CPNE4: variants seen among roughly 807,000 people sequenced by gnomAD.
CPNE4 encodes the protein copine-4.
In CPNE4, 25 loss-of-function variants were observed where a neutral mutation model predicts 67.9. The ratio of observed to expected loss-of-function variants is 0.37; its 90% confidence interval spans 0.27 to 0.51. The LOEUF is 0.51. Ranked by LOEUF, CPNE4 falls within the 20% of genes least tolerant of loss-of-function variation. CPNE4 has a pLI of 0.93. For synonymous variants in CPNE4, 242 were observed against 244.9 expected (o/e 0.99, Z 0.11); for missense variants, 464 against 690.8 (o/e 0.67, Z 3.68).
intron 7 of CPNE4, among the ~76,000 whole-genome samples, chr3:131,633,771 TAA>T (rs1553743307): frequency 3.3e-5 from 5 of 151,722 alleles, no homozygotes; most frequent in African/African-American, 1.2e-4. Context: ...TTTTTATTTT[TAA>T]AAAAAAGAAC....
chr3:131,682,256 C>T (rs1428812433), intron 6 of CPNE4, among the ~76,000 whole-genome samples: 1 of 152,078 alleles, frequency 6.6e-6, no homozygotes, highest in African/African-American at 2.4e-5. Flanking sequence ...GCAGCCTGGG[C>T]TTGTTTGTAC....
chr3:131,844,260 T>C (rs2085909177), intron 2 of CPNE4, among the ~76,000 whole-genome samples: 1 of 129,996 alleles, frequency 7.7e-6, no homozygotes, highest in Non-Finnish European at 1.6e-5. Flanking sequence ...CTGTATGTTC[T>C]TTTTTTTTTT....
At chr3:131,566,404 T>C (rs1481049642) in intron 10 of CPNE4, among the ~76,000 whole-genome samples, 1 of 150,390 alleles carries the variant, frequency 6.6e-6, no homozygotes, top group Non-Finnish European at 1.5e-5. Flanking sequence ...GACAGGTTTA[T>C]CCTGAAGGTG....
intron 1 of CPNE4, among the ~76,000 whole-genome samples, chr3:131,906,635 C>T (rs1486246177): frequency 2.0e-5 from 3 of 151,916 alleles, no homozygotes; most frequent in Admixed American, 6.6e-5. Context: ...GCCACATTTT[C>T]TTAATCCAGT....
intron 2 of CPNE4, among the ~76,000 whole-genome samples, chr3:131,768,297 A>T (rs944023323): frequency 1.3e-5 from 2 of 152,128 alleles, no homozygotes; most frequent in African/African-American, 4.8e-5. Context: ...AGAAGTGGAA[A>T]TGAAAACAGA....
At chr3:131,734,344 A>G (rs992844350) in intron 2 of CPNE4, among the ~76,000 whole-genome samples, 19 of 152,186 alleles carry the variant, frequency 1.2e-4, no homozygotes, top group Admixed American at 1.0e-3. Flanking sequence ...AAATTCTTAG[A>G]GAACATTAAG....
At chr3:131,693,886 G>A (rs2081088686) in intron 5 of CPNE4, among the ~76,000 whole-genome samples, 1 of 152,152 alleles carries the variant, frequency 6.6e-6, no homozygotes, top group African/African-American at 2.4e-5. Flanking sequence ...CAGGCAATCT[G>A]TTTGAGTCCC....
At chr3:131,557,134 C>T (rs940726583) in intron 11 of CPNE4, among the ~76,000 whole-genome samples, 1 of 152,110 alleles carries the variant, frequency 6.6e-6, no homozygotes, top group African/African-American at 2.4e-5. Context: ...GCCTAGACAA[C>T]AAATAAGACC....
At chr3:132,016,762 C>T (rs534852048) in intron 1 of CPNE4, among the ~76,000 whole-genome samples, 39 of 152,290 alleles carry the variant, frequency 2.6e-4, no homozygotes, top group African/African-American at 8.4e-4. Context: ...ACAAATTGGT[C>T]CGTTCTCAGG....
At chr3:131,908,695 T>C (rs58075255) in intron 1 of CPNE4, among the ~76,000 whole-genome samples, 1,950 of 152,278 alleles carry the variant, frequency 0.013, 33 homozygotes, top group African/African-American at 0.043. Context: ...TAAAATACTA[T>C]GCAAGCTACG....
intron 13 of CPNE4, 122 bp downstream of exon 13, chr3:131,552,318 C>T (rs770145124): frequency 1.2e-6 from 1 of 822,162 alleles, no homozygotes; most frequent in African/African-American, 1.7e-5. Flanking sequence ...TATGTTGATA[C>T]AGAAAGCAGA....
At chr3:131,946,560 T>C (rs1291977368) in intron 1 of CPNE4, among the ~76,000 whole-genome samples, 3 of 152,186 alleles carry the variant, frequency 2.0e-5, no homozygotes, top group Non-Finnish European at 4.4e-5. Context: ...GAAATGTCTA[T>C]TGAAGTTCTT....
At chr3:131,848,981 A>AAAAAAAAAAAAC (rs1297906130) in intron 2 of CPNE4, among the ~76,000 whole-genome samples, 4 of 141,668 alleles carry the variant, frequency 2.8e-5, no homozygotes, top group African/African-American at 1.0e-4. Context: ...AAAAAAAAAA[A>AAAAAAAAAAAAC]ACACAGAGAT....
At chr3:131,905,133 G>T in intron 2 of CPNE4, 131 bp downstream of exon 2, 1 of 815,074 alleles carries the variant, frequency 1.2e-6, no homozygotes, top group South Asian at 1.8e-5. Flanking sequence ...CATCATGATA[G>T]AAATGTGATC....
chr3:131,622,723 G>A (rs1940540739), intron 7 of CPNE4, among the ~76,000 whole-genome samples: 2 of 152,152 alleles, frequency 1.3e-5, no homozygotes, highest in African/African-American at 4.8e-5. Context: ...TAGGGAAGGG[G>A]GAAATAATTG....
intron 1 of CPNE4, among the ~76,000 whole-genome samples, chr3:131,978,559 T>C (rs1258811214): frequency 7.6e-5 from 7 of 92,098 alleles, no homozygotes; most frequent in African/African-American, 2.4e-4. Context: ...TATATATATA[T>C]GCCACAGTTT....
intron 1 of CPNE4, among the ~76,000 whole-genome samples, chr3:131,978,198 T>A (rs1325340792): frequency 1.9e-5 from 1 of 51,816 alleles, no homozygotes; most frequent in African/African-American, 1.8e-4. Context: ...ATATTTATAA[T>A]TATTATATAT....
intron 2 of CPNE4, among the ~76,000 whole-genome samples, chr3:131,889,415 C>T (rs1369948036): frequency 6.6e-6 from 1 of 152,178 alleles, no homozygotes; most frequent in African/African-American, 2.4e-5. Flanking sequence ...TGGTGAATCC[C>T]TGCCTTGTTT....
At chr3:131,653,353 A>T (rs562305711) in intron 7 of CPNE4, among the ~76,000 whole-genome samples, 1 of 151,666 alleles carries the variant, frequency 6.6e-6, no homozygotes, top group South Asian at 2.1e-4. Flanking sequence ...TTTCACCATG[A>T]TAGCCAGGAT....
Sources: allele counts gnomAD v4.1 joint callset (sites outside exome capture counted in the v4.1 genomes callset), GRCh38; gene constraint gnomAD v4.1.1; transcripts MANE v1.5; gene names NCBI Gene and HGNC (gene_info 2026-07-23, HGNC 2026-07-21).